WDR44: variants seen among roughly 807,000 people sequenced by gnomAD.
WDR44 encodes WD repeat domain 44.
A neutral mutation model predicts 65.7 loss-of-function variants in WDR44; 9 were observed. That is an observed-to-expected ratio of 0.14 (90% confidence interval 0.08 to 0.24). WDR44 has a LOEUF of 0.24. Among genes scored for constraint, WDR44 ranks in the 10% least tolerant of loss-of-function variants. The pLI is 1.00. For synonymous variants in WDR44, 220 were observed against 235.2 expected (o/e 0.94, Z 0.59); for missense variants, 425 against 670.9 (o/e 0.63, Z 4.05).
In WDR44 at chrX:118,403,568, T is replaced by C. The variant is rs1378862038; in HGVS notation, c.1275-770T>C. ...CAGTGTTACATTGAACTTCTCTGTA[T>C]ATATAACTTAACAACTTTTAAAAAT... On this transcript the variant is annotated intron_variant, in intron 8 of 19. Transcript: ENST00000254029. 2.7e-5 allele frequency among the ~76,000 whole-genome samples: 3 copies of C among 112,158 alleles called. No homozygotes were observed. In the East Asian group the frequency reaches 8.4e-4, roughly 31 times the overall value.
intron 1 of WDR44, among the ~76,000 whole-genome samples, chrX:118,362,223 T>C (rs1332599385): frequency 8.9e-6 from 1 of 112,441 alleles, no homozygotes; most frequent in Non-Finnish European, 1.9e-5. Flanking sequence ...TAACGAATAT[T>C]TCTACTACGC....
At chrX:118,386,759 A>G (rs1455182091) in intron 2 of WDR44, among the ~76,000 whole-genome samples, 1 of 112,041 alleles carries the variant, frequency 8.9e-6, no homozygotes, top group Non-Finnish European at 1.9e-5. Context: ...AAGTTGAGCA[A>G]GTTTTCACAT....
rs1476773346 is a variant in WDR44 at position 118,449,026 on chromosome X, C to T, written c.*39C>T. 2 of 922,429 alleles carry T rather than the reference C, an allele frequency of 2.2e-6. No homozygotes were observed. The highest frequency in any genetic ancestry group is 3.2e-5 in the East Asian group (1 of 31,505). 76.0% of individuals were successfully genotyped at this position (922,429 alleles called of 1,213,427 possible). Reference sequence around the variant, plus strand: ...TTAAAATAAACATATCAGTAAGTTTCTATATGTATCAAAACTGAAAAAATA... The same window carrying T: ...TTAAAATAAACATATCAGTAAGTTTTTATATGTATCAAAACTGAAAAAATA... On this transcript the variant is annotated 3_prime_UTR_variant, in exon 20 of 20. Coordinates refer to ENST00000254029, the MANE Select transcript of WDR44 (RefSeq NM_019045.5).
chrX:118,423,430 A>G (rs748064512), intron 12 of WDR44, among the ~76,000 whole-genome samples: 131 of 112,139 alleles, frequency 1.2e-3, no homozygotes, highest in African/African-American at 3.9e-3. Flanking sequence ...TGGCCTCCCA[A>G]AGTGTTGGGA....
At chrX:118,378,190 T>TG (rs1269158438) in intron 1 of WDR44, among the ~76,000 whole-genome samples, 1 of 111,739 alleles carries the variant, frequency 8.9e-6, no homozygotes, top group Non-Finnish European at 1.9e-5. Flanking sequence ...TGACCTCAGG[T>TG]GATCCGCCTG....
intron 1 of WDR44, among the ~76,000 whole-genome samples, chrX:118,364,197 A>G (rs893673456): frequency 1.8e-5 from 2 of 112,668 alleles, no homozygotes; most frequent in Non-Finnish European, 3.8e-5. Flanking sequence ...ACAGTCTACA[A>G]TATCCATCAG....
At chrX:118,378,793 G>A (rs527879410) in intron 2 of WDR44, among the ~76,000 whole-genome samples, 3 of 105,611 alleles carry the variant, frequency 2.8e-5, no homozygotes, top group Non-Finnish European at 5.8e-5. Flanking sequence ...CAACACATTG[G>A]GGGGCTGAGG....
At chrX:118,360,997 CT>C (rs1049545556) in intron 1 of WDR44, among the ~76,000 whole-genome samples, 140 of 110,126 alleles carry the variant, frequency 1.3e-3, no homozygotes, top group Non-Finnish European at 2.1e-3. Context: ...AGCCAACCAC[CT>C]TTTTTTTTCC....
intron 15 of WDR44, 35 bp downstream of exon 15, chrX:118,441,594 A>G (rs1250394614): frequency 1.3e-5 from 14 of 1,118,766 alleles, no homozygotes; most frequent in South Asian, 2.2e-5. Context: ...ATATAATTGT[A>G]TACTTAGTAA....
chrX:118,365,896 G>A (rs2056548914), intron 1 of WDR44, among the ~76,000 whole-genome samples: 2 of 111,851 alleles, frequency 1.8e-5, no homozygotes, highest in South Asian at 7.4e-4. Flanking sequence ...GTAGTTGGTG[G>A]CATCTAGGCA....
At chrX:118,432,174 C>A (rs1317746915) in intron 12 of WDR44, among the ~76,000 whole-genome samples, 2 of 111,672 alleles carry the variant, frequency 1.8e-5, no homozygotes, top group Non-Finnish European at 3.8e-5. Flanking sequence ...AGCTCAGTAG[C>A]ATCGTCCTAC....
chrX:118,395,366 C>G, intron 6 of WDR44, 22 bp downstream of exon 6: 1 of 1,151,426 alleles, frequency 8.7e-7, no homozygotes, highest in South Asian at 1.9e-5. Flanking sequence ...TTTTTTTGTT[C>G]TTGTTCTTAA....
At chrX:118,424,281 A>ATATATGTG (rs760975610) in intron 12 of WDR44, among the ~76,000 whole-genome samples, 1 of 92,755 alleles carries the variant, frequency 1.1e-5, no homozygotes, top group South Asian at 4.8e-4. Flanking sequence ...ATATATATAT[A>ATATATGTG]TGTGTGTGTG....
At chrX:118,445,844 A>G (rs1411892156) in intron 19 of WDR44, among the ~76,000 whole-genome samples, 2 of 110,731 alleles carry the variant, frequency 1.8e-5, no homozygotes, top group East Asian at 2.8e-4. Context: ...CCTGGCCAAC[A>G]TGGTGAAACC....
chrX:118,387,804 T>A (rs2056784612), intron 3 of WDR44, among the ~76,000 whole-genome samples: 1 of 111,666 alleles, frequency 9.0e-6, no homozygotes, highest in Admixed American at 9.6e-5. Flanking sequence ...CCTGATACCT[T>A]TTAAAAAATT....
At chrX:118,386,721 T>C (rs1248484296) in intron 2 of WDR44, among the ~76,000 whole-genome samples, 2 of 112,026 alleles carry the variant, frequency 1.8e-5, no homozygotes, top group African/African-American at 6.5e-5. Flanking sequence ...GAAGTTCTTA[T>C]CGTCCATTAC....
chrX:118,445,343 C>A (rs1233220296), intron 19 of WDR44, among the ~76,000 whole-genome samples: 3 of 112,345 alleles, frequency 2.7e-5, no homozygotes, highest in Admixed American at 9.4e-5. Flanking sequence ...GGTAACCATT[C>A]TCTTTAGAGA....
intron 3 of WDR44, 51 bp from the exon 4 acceptor site, chrX:118,392,581 G>C (rs958908326): frequency 1.2e-5 from 13 of 1,054,225 alleles, no homozygotes; most frequent in Non-Finnish European, 1.7e-5. Context: ...CTGTTACTGT[G>C]TTCTTATAAA....
rs1016370885 is a variant in WDR44 at position 118,400,591 on chromosome X, T to C, written c.1274+2121T>C. 3.6e-5 allele frequency among the ~76,000 whole-genome samples: 4 copies of C among 111,704 alleles called. No individual in the cohort carries two copies. The South Asian group carries it at 1.5e-3, about 42-fold the overall frequency. ...AAAATGGTTTATCATCTGTGTTTTC[T>C]GGTTATCAAAAGAAATACAGAAATA... is the stretch of plus-strand genomic sequence containing the variant. On this transcript the variant is annotated intron_variant, in intron 8 of 19. Coordinates refer to ENST00000254029, the MANE Select transcript of WDR44 (RefSeq NM_019045.5).
Sources: gnomAD v4.1 joint callset for allele counts (sites outside exome capture counted in the v4.1 genomes callset) on GRCh38, gnomAD v4.1.1 for gene constraint, MANE v1.5 for transcripts, NCBI Gene and HGNC (gene_info 2026-07-23, HGNC 2026-07-21) for gene names.